Variants in EXOC4 observed in about 807,000 individuals in gnomAD.
EXOC4 encodes exocyst complex component 4.
EXOC4 carries 71 observed loss-of-function variants against 107.2 expected under a neutral mutation model. The ratio of observed to expected loss-of-function variants is 0.66; its 90% CI spans 0.55 to 0.81. EXOC4 has a LOEUF of 0.81. Ranked by LOEUF, EXOC4 falls within the 30% of genes least tolerant of loss-of-function variation. EXOC4 has a pLI of 0.00. For synonymous variants in EXOC4, 456 were observed against 441.2 expected (o/e 1.03, Z -0.42); for missense variants, 1,108 against 1,189.6 (o/e 0.93, Z 1.01).
intron 7 of EXOC4, among the ~76,000 whole-genome samples, chr7:133,423,755 C>T (rs1298753278): frequency 2.0e-5 from 3 of 151,962 alleles, no homozygotes; most frequent in African/African-American, 4.8e-5. Flanking sequence ...GAGGGAGAGG[C>T]GCGGGTAGGG....
chr7:133,934,100 G>A (rs6954712), intron 13 of EXOC4, among the ~76,000 whole-genome samples: 70,828 of 151,886 alleles, frequency 0.47, 17,808 homozygotes, highest in African/African-American at 0.65. Context: ...ACATTTTTCT[G>A]TGTTACCAAG....
At chr7:133,517,480 G>A (rs1799898887) in intron 9 of EXOC4, among the ~76,000 whole-genome samples, 1 of 152,118 alleles carries the variant, frequency 6.6e-6, no homozygotes, top group Non-Finnish European at 1.5e-5. Context: ...CCTGTGACTG[G>A]GCAATTTACA....
chr7:133,528,724 AT>A (rs1280387005), intron 9 of EXOC4, among the ~76,000 whole-genome samples: 1 of 152,160 alleles, frequency 6.6e-6, no homozygotes, highest in Non-Finnish European at 1.5e-5. Flanking sequence ...TTTTAAGTCA[AT>A]TAAAAAAAAA....
chr7:133,259,639 A>C (rs1364796889), intron 1 of EXOC4, among the ~76,000 whole-genome samples: 2 of 152,214 alleles, frequency 1.3e-5, no homozygotes, highest in Admixed American at 1.3e-4. Context: ...TAAATAATTC[A>C]AACAGTGAAA....
intron 12 of EXOC4, among the ~76,000 whole-genome samples, chr7:133,910,739 CGG>C (rs1390218551): frequency 1.3e-5 from 2 of 152,276 alleles, no homozygotes; most frequent in African/African-American, 4.8e-5. Flanking sequence ...AATTGGACGA[CGG>C]CACTTTACTT....
intron 10 of EXOC4, among the ~76,000 whole-genome samples, chr7:133,632,510 C>CT (rs1455557693): frequency 1.3e-5 from 2 of 152,126 alleles, no homozygotes; most frequent in Non-Finnish European, 2.9e-5. Context: ...CTTGAAATGA[C>CT]TAAGATCTTT....
intron 9 of EXOC4, among the ~76,000 whole-genome samples, chr7:133,602,917 G>T (rs1430975652): frequency 6.6e-6 from 1 of 152,180 alleles, no homozygotes; most frequent in Non-Finnish European, 1.5e-5. Flanking sequence ...TGTTGTGTGT[G>T]TTGGGTGGCA....
intron 17 of EXOC4, among the ~76,000 whole-genome samples, chr7:134,014,199 C>T (rs1388375738): frequency 1.3e-5 from 2 of 152,146 alleles, no homozygotes; most frequent in Admixed American, 1.3e-4. Flanking sequence ...GTCAGGAGAT[C>T]GAGACCATCC....
the EXOC4 span, among the ~76,000 whole-genome samples, chr7:134,079,898 C>T: frequency 2.0e-5 from 3 of 152,140 alleles, no homozygotes; most frequent in Non-Finnish European, 2.9e-5. Context: ...CCCTCTTGCC[C>T]GCAAAACCTA....
rs71162041 is a variant in EXOC4, at chr7:133,907,820, G to GGAA, written c.1872-9761_1872-9760insAGA. Among the ~76,000 whole-genome samples the GGAA allele has an allele frequency of 8.6e-5, 13 of 151,006 alleles. No homozygotes were observed. The East Asian group carries it at 1.8e-3, about 21-fold the overall frequency. Reference sequence around the variant, plus strand: ...TGGAAAGAAAGAGAGAGAAGAAGGAGGAGGAGGAGGAAGAGGAGGAGAAGG... The same window carrying GGAA: ...TGGAAAGAAAGAGAGAGAAGAAGGAGGAAGAGGAGGAGGAAGAGGAGGAGAAGG... On this transcript the variant is annotated intron_variant, in intron 12 of 17. Coordinates refer to ENST00000253861, the MANE Select transcript of EXOC4 (RefSeq NM_021807.4).
chr7:133,508,398 T>C (rs993141262), intron 9 of EXOC4, among the ~76,000 whole-genome samples: 1 of 152,134 alleles, frequency 6.6e-6, no homozygotes, highest in Non-Finnish European at 1.5e-5. Flanking sequence ...GGGACCACAC[T>C]TTGAGAACCA....
chr7:133,585,032 A>G (rs1359234398), intron 9 of EXOC4, among the ~76,000 whole-genome samples: 1 of 152,220 alleles, frequency 6.6e-6, no homozygotes, highest in Non-Finnish European at 1.5e-5. Flanking sequence ...ATTTTTTTGA[A>G]TGTAAATCTC....
chr7:133,653,554 C>G (rs1271741376), intron 10 of EXOC4, among the ~76,000 whole-genome samples: 16 of 152,216 alleles, frequency 1.1e-4, no homozygotes, highest in Admixed American at 1.0e-3. Context: ...AATACCCTCT[C>G]TAATCTTTTT....
At chr7:133,958,119 G>C (rs763657920) in intron 14 of EXOC4, among the ~76,000 whole-genome samples, 2 of 152,186 alleles carry the variant, frequency 1.3e-5, no homozygotes, top group Non-Finnish European at 2.9e-5. Context: ...CAGGCACTTA[G>C]TAAATGTTTT....
intron 7 of EXOC4, among the ~76,000 whole-genome samples, chr7:133,437,116 A>G (rs185632501): frequency 6.6e-6 from 1 of 152,254 alleles, no homozygotes; most frequent in Admixed American, 6.5e-5. Flanking sequence ...GTGTTATCCA[A>G]ACATGTTAGA....
In EXOC4 at chr7:133,630,113, A is replaced by T; in HGVS notation, c.1486A>T (p.Ile496Phe). Reference sequence around the variant, plus strand: ...TGTCTGCAAACCTGGAGCCAGAAACATTACCGTCATATTCCACCCATTACT... The same window carrying T: ...TGTCTGCAAACCTGGAGCCAGAAACTTTACCGTCATATTCCACCCATTACT... ...KFVCKPGARN[I>F]TVIFHPLLRF... Residue 496 changes from isoleucine to phenylalanine, a missense_variant, in exon 10 of 18, where the codon ATT becomes TTT. By Grantham distance (21) the Ile-to-Phe change is conservative. Coordinates refer to ENST00000253861, the MANE Select transcript of EXOC4 (RefSeq NM_021807.4). The T allele has an allele frequency of 6.2e-7, 1 of 1,613,854 alleles. No homozygotes were observed. The highest frequency in any genetic ancestry group is 1.1e-5 in the South Asian group (1 of 91,066).
intron 14 of EXOC4, among the ~76,000 whole-genome samples, chr7:133,944,786 C>G (rs1213179370): frequency 6.6e-5 from 10 of 152,102 alleles, no homozygotes; most frequent in African/African-American, 2.4e-4. Context: ...GTGGGAGGAG[C>G]TGTTTTTTAA....
At chr7:133,385,809 A>G (rs1370506986) in intron 7 of EXOC4, among the ~76,000 whole-genome samples, 1 of 152,144 alleles carries the variant, frequency 6.6e-6, no homozygotes, top group Non-Finnish European at 1.5e-5. Flanking sequence ...TTTGGCTTAT[A>G]CTTTGGCATC....
intron 17 of EXOC4, among the ~76,000 whole-genome samples, chr7:134,053,493 C>G (rs1311014585): frequency 6.6e-6 from 1 of 151,572 alleles, no homozygotes; most frequent in Non-Finnish European, 1.5e-5. Flanking sequence ...GGGTTTAAAT[C>G]CCAGGCAACT....
Sources: gnomAD v4.1 joint callset for allele counts (sites outside exome capture counted in the v4.1 genomes callset) on GRCh38, gnomAD v4.1.1 for gene constraint, MANE v1.5 for transcripts, NCBI Gene and HGNC (gene_info 2026-07-23, HGNC 2026-07-21) for gene names.